Variants in STRA8 observed in about 807,000 individuals in gnomAD.
STRA8 encodes the protein stimulated by retinoic acid 8, also known as stimulated by retinoic acid gene 8 protein homolog.
A neutral mutation model predicts 37.1 loss-of-function variants in STRA8; 18 were observed. That is an observed-to-expected ratio of 0.48 (90% CI 0.34 to 0.72). The LOEUF (loss-of-function observed/expected upper bound fraction) is 0.72. STRA8 is among the 30% of genes least tolerant of loss of function. The pLI is 0.01. For synonymous variants in STRA8, 168 were observed against 162.9 expected, an observed-to-expected ratio of 1.03 and a Z score of -0.24; for missense variants, 357 against 410.4, an observed-to-expected ratio of 0.87 and a Z score of 1.13.
chr7:135,255,128 G>C lies in STRA8; in HGVS notation c.968G>C (p.Ser323Thr). ...STSSSSSVLA[S>T]CNPENPEEKF... ...TCTGTTGTCAGTTCAGTGCTTGCCAGCTGCAACCCAGAAAACCCAGAGGAG... is the reference window on the plus strand; with the variant it reads ...TCTGTTGTCAGTTCAGTGCTTGCCACCTGCAACCCAGAAAACCCAGAGGAG... Residue 323 changes from serine (S) to threonine (T), a missense_variant, in exon 8 of 9, where the codon AGC becomes ACC. Coordinates refer to ENST00000662584, the MANE Select transcript of STRA8 (RefSeq NM_001394401.1). 6.2e-7 allele frequency: 1 copy of C among 1,613,978 alleles called. No homozygotes were observed. The highest frequency in any genetic ancestry group is 8.5e-7 in the Non-Finnish European group (1 of 1,179,860).
At chr7:135,253,226 G>C (rs555743926) in intron 7 of STRA8, among the ~76,000 whole-genome samples, 1 of 152,178 alleles carries the variant, frequency 6.6e-6, no homozygotes, top group Non-Finnish European at 1.5e-5. Flanking sequence ...GAGCCACAGC[G>C]CCTGGCTCTG....
rs1170025283 is a variant in STRA8, at chr7:135,245,413, A to G, written c.479A>G (p.Glu160Gly). Reference sequence around the variant, plus strand: ...GATCAAGAAGAAGAGGAGGAGGAAGAAGAAGAGGAGGAGGAGGAAGAGGAG... The same window carrying G: ...GATCAAGAAGAAGAGGAGGAGGAAGGAGAAGAGGAGGAGGAGGAAGAGGAG... ...EEDQEEEEEE[E>G]EEEEEEEEEE... The change falls in exon 5 of 9, where the codon GAA (glutamate) becomes GGA (glycine). Residue 160 changes from glutamate (E) to glycine (G), a missense_variant. Physicochemically the swap from Glu to Gly is moderately conservative, Grantham distance 98. Coordinates refer to ENST00000662584, the MANE Select transcript of STRA8 (RefSeq NM_001394401.1). The G allele has an allele frequency of 1.4e-6, 1 of 689,826 alleles. No individual in the cohort carries two copies. The highest frequency in any genetic ancestry group is 2.7e-6 in the Non-Finnish European group (1 of 375,856). The allele number at this position is 689,826 out of a possible 1,614,324, so 42.7% of individuals were successfully genotyped here. A position where few individuals can be genotyped will look rare whatever the true frequency, so the allele number is the denominator to read the frequency against.
chr7:135,240,959 G>A (rs563436799), intron 2 of STRA8, among the ~76,000 whole-genome samples: 1 of 152,268 alleles, frequency 6.6e-6, no homozygotes, highest in African/African-American at 2.4e-5. Context: ...CATGCTCTCT[G>A]GTTCATAGAC....
At chr7:135,241,378 C>A (rs1188351171) in intron 2 of STRA8, among the ~76,000 whole-genome samples, 1 of 152,240 alleles carries the variant, frequency 6.6e-6, no homozygotes, top group East Asian at 1.9e-4. Context: ...ACTCCAGCCC[C>A]CTCAAGTCTC....
chr7:135,245,884 G>T (rs1016272876), intron 5 of STRA8, among the ~76,000 whole-genome samples: 1 of 152,134 alleles, frequency 6.6e-6, no homozygotes, highest in African/African-American at 2.4e-5. Flanking sequence ...CCACAAGTCC[G>T]CACTGCTCTT....
intron 8 of STRA8, among the ~76,000 whole-genome samples, chr7:135,256,307 C>G (rs968029079): frequency 6.6e-6 from 1 of 152,180 alleles, no homozygotes; most frequent in East Asian, 1.9e-4. Flanking sequence ...TATGTGGAGC[C>G]CTTCCTTGCA....
At chr7:135,240,072 A>G (rs917529554) in intron 1 of STRA8, among the ~76,000 whole-genome samples, 3 of 152,136 alleles carry the variant, frequency 2.0e-5, no homozygotes, top group African/African-American at 7.2e-5. Flanking sequence ...AGACTAAAGT[A>G]AAGCCTGAGA....
chr7:135,239,135 C>G (rs527867352), intron 1 of STRA8, among the ~76,000 whole-genome samples: 1 of 152,328 alleles, frequency 6.6e-6, no homozygotes, highest in East Asian at 1.9e-4. Flanking sequence ...TCTCATTGGC[C>G]TATTTTCCAT....
chr7:135,233,611 G>A (rs1832323542), upstream of STRA8, among the ~76,000 whole-genome samples: 1 of 151,974 alleles, frequency 6.6e-6, no homozygotes, highest in Non-Finnish European at 1.5e-5. Context: ...GACCCCTCGC[G>A]ACCCTGCGAG....
intron 1 of STRA8, among the ~76,000 whole-genome samples, chr7:135,238,061 C>G (rs1405792360): frequency 1.3e-5 from 2 of 152,136 alleles, no homozygotes; most frequent in African/African-American, 4.8e-5. Flanking sequence ...GAACAGGAGG[C>G]AGGATCTAGA....
At chr7:135,250,295 C>T (rs939122024) in intron 6 of STRA8, among the ~76,000 whole-genome samples, 6 of 152,124 alleles carry the variant, frequency 3.9e-5, no homozygotes, top group East Asian at 1.9e-4. Flanking sequence ...GTGTGGCCTG[C>T]GACTTTGGTG....
intron 1 of STRA8, among the ~76,000 whole-genome samples, chr7:135,239,769 A>G (rs546415748): frequency 1.8e-4 from 27 of 152,346 alleles, no homozygotes; most frequent in Non-Finnish European, 3.1e-4. Context: ...AAAGAAGGAC[A>G]CAGTGATCAT....
intron 7 of STRA8, among the ~76,000 whole-genome samples, chr7:135,253,539 G>A (rs1393441481): frequency 1.3e-5 from 2 of 152,186 alleles, no homozygotes; most frequent in Non-Finnish European, 2.9e-5. Flanking sequence ...TGCAAAGGGG[G>A]GTTGCTGCTT....
chr7:135,243,445 T>C (rs780719771), intron 4 of STRA8, 35 bp downstream of exon 4: 1 of 1,592,022 alleles, frequency 6.3e-7, no homozygotes, highest in South Asian at 1.1e-5. Context: ...GCTGGGGACC[T>C]GCTGTGTCCT....
rs1221210043 is a variant in STRA8, at chr7:135,255,199, A to G, written c.1039A>G (p.Ser347Gly). The G allele has an allele frequency of 6.2e-7, 1 of 1,613,884 alleles. No individual in the cohort carries two copies. The highest frequency in any genetic ancestry group is 1.3e-5 in the African/African-American group (1 of 75,050). ...GATCATCAACTTTTTTAAAGGCCTT[A>G]GCTGTGCAAACACTCAAGTAAAGCA... ...MQIINFFKGL[S>G]CANTQVKQEA... Residue 347 changes from serine (S) to glycine (G), a missense_variant, in exon 8 of 9, where the codon AGC becomes GGC. By Grantham distance (56) the Ser-to-Gly change is moderately conservative. Transcript: ENST00000662584.
intron 1 of STRA8, among the ~76,000 whole-genome samples, chr7:135,237,764 C>A (rs1258779939): frequency 1.3e-5 from 2 of 152,070 alleles, no homozygotes; most frequent in South Asian, 4.2e-4. Context: ...TGGTGGTGGG[C>A]GCCTGTAATC....
intron 7 of STRA8, 82 bp from the exon 8 acceptor site, chr7:135,255,031 CA>C (rs1208726739): frequency 8.7e-7 from 1 of 1,144,948 alleles, no homozygotes; most frequent in Non-Finnish European, 1.3e-6. Flanking sequence ...TACTGTAACC[CA>C]AATCTTTCAG....
chr7:135,250,483 A>T (rs576899086), intron 6 of STRA8, among the ~76,000 whole-genome samples: 1 of 152,308 alleles, frequency 6.6e-6, no homozygotes, highest in Admixed American at 6.5e-5. Flanking sequence ...AGGACAACAG[A>T]AAATGTCCGG....
At chr7:135,243,552 G>T in intron 4 of STRA8, 142 bp downstream of exon 4, 1 of 615,872 alleles carries the variant, frequency 1.6e-6, no homozygotes, top group Non-Finnish European at 2.7e-6. Context: ...GCCATATGCT[G>T]GAGACCATTC....
Sources: gnomAD v4.1 joint callset for allele counts (sites outside exome capture counted in the v4.1 genomes callset) on GRCh38, gnomAD v4.1.1 for gene constraint, MANE v1.5 for transcripts, NCBI Gene and HGNC (gene_info 2026-07-23, HGNC 2026-07-21) for gene names.